SEL1L3: variants seen among roughly 807,000 people sequenced by gnomAD.
The protein encoded by SEL1L3 is protein sel-1 homolog 3.
A neutral mutation model predicts 142.8 loss-of-function variants in SEL1L3; 76 were observed. The observed-to-expected ratio is 0.53, with a 90% CI of 0.44 to 0.64. The LOEUF (loss-of-function observed/expected upper bound fraction) is 0.64. Among genes scored for constraint, SEL1L3 ranks in the 30% least tolerant of loss-of-function variants. The pLI is 0.00. For synonymous variants in SEL1L3, 504 were observed against 519.6 expected, an observed-to-expected ratio of 0.97 and a Z score of 0.41; for missense variants, 1,262 against 1,381.7, an observed-to-expected ratio of 0.91 and a Z score of 1.37.
intron 9 of SEL1L3, among the ~76,000 whole-genome samples, chr4:25,811,762 TTTTTG>T (rs1252605725): frequency 6.7e-6 from 1 of 148,190 alleles, no homozygotes; most frequent in African/African-American, 2.6e-5. Context: ...TTTTTTTTTT[TTTTTG>T]TTGTTGTTGT....
chr4:25,789,866 C>T (rs775357585), intron 12 of SEL1L3, among the ~76,000 whole-genome samples: 4 of 152,148 alleles, frequency 2.6e-5, no homozygotes, highest in Non-Finnish European at 5.9e-5. Flanking sequence ...GCTTCCCCAG[C>T]CGTCTGCCCT....
At chr4:25,714,553 T>C in the SEL1L3 span, among the ~76,000 whole-genome samples, 4 of 110,548 alleles carry the variant, frequency 3.6e-5, no homozygotes, top group Middle Eastern at 4.2e-3. Flanking sequence ...TCTTTCTTTC[T>C]TCTTTCTTTC....
At chr4:25,762,794 A>G (rs1048545301) in intron 20 of SEL1L3, among the ~76,000 whole-genome samples, 4 of 152,168 alleles carry the variant, frequency 2.6e-5, no homozygotes, top group South Asian at 2.1e-4. Context: ...CCTGCCCAAC[A>G]TGGTGAAACC....
At position 25,847,691 on chromosome 4, in the gene SEL1L3, A is replaced by G. The variant is rs1223929385; in HGVS notation, c.336T>C (p.Asn112=). 1.9e-6 allele frequency: 3 copies of G among 1,613,884 alleles called. No individual in the cohort carries two copies. The highest frequency in any genetic ancestry group is 1.3e-5 in the African/African-American group (1 of 74,924). The change falls in exon 2 of 24, where the codon AAT becomes AAC. Residue 112 remains asparagine (N), a synonymous_variant. Transcript: ENST00000399878. The part of the protein sequence containing the change: ...EYLCSQPCVV[N]LEAVVSSEFR... ...ACTCAGATGAAACAACTGCTTCCAA[A>G]TTGACAACACAAGGCTGAGAGCATA... is the stretch of plus-strand genomic sequence containing the variant.
intron 2 of SEL1L3, among the ~76,000 whole-genome samples, chr4:25,843,741 C>T (rs1577686676): frequency 6.6e-6 from 1 of 152,260 alleles, no homozygotes; most frequent in Non-Finnish European, 1.5e-5. Context: ...CCAATGGCTA[C>T]CGACTTCTCA....
chr4:25,726,106 G>T, the SEL1L3 span, among the ~76,000 whole-genome samples: 5 of 151,944 alleles, frequency 3.3e-5, no homozygotes, highest in Admixed American at 3.3e-4. Context: ...CGCCTCTGAT[G>T]AAAGTACCAG....
chr4:25,762,711 T>G (rs1159953801), intron 20 of SEL1L3, among the ~76,000 whole-genome samples: 1 of 152,070 alleles, frequency 6.6e-6, no homozygotes, highest in Non-Finnish European at 1.5e-5. Flanking sequence ...CCAGGTGCGG[T>G]GCTCACCCCT....
intron 11 of SEL1L3, among the ~76,000 whole-genome samples, chr4:25,792,924 T>C (rs1176852806): frequency 6.6e-6 from 1 of 152,234 alleles, no homozygotes; most frequent in African/African-American, 2.4e-5. Flanking sequence ...ACATAACTCA[T>C]GAAGACACAG....
intron 20 of SEL1L3, among the ~76,000 whole-genome samples, chr4:25,764,746 C>T (rs907339489): frequency 1.8e-4 from 28 of 152,172 alleles, no homozygotes; most frequent in African/African-American, 6.0e-4. Context: ...TGGTCTTGAA[C>T]AGTTCATTAT....
At chr4:25,774,576 A>G (rs1277348793) in intron 17 of SEL1L3, among the ~76,000 whole-genome samples, 2 of 152,238 alleles carry the variant, frequency 1.3e-5, no homozygotes, top group East Asian at 3.8e-4. Context: ...ATTCAAAAGC[A>G]GGGCCCAGGT....
the SEL1L3 span, among the ~76,000 whole-genome samples, chr4:25,716,408 G>A: frequency 4.6e-5 from 7 of 152,122 alleles, no homozygotes; most frequent in African/African-American, 1.4e-4. Context: ...CTTGCTGGCA[G>A]GAATGTAAAT....
At position 25,782,222 on chromosome 4, in the gene SEL1L3, G is replaced by A. The variant is rs763664509; in HGVS notation, c.2457+20C>T. ...TCAAGTGACTGACTAGTTGCAGAGT[G>A]GGTCTCAAGTCCTACTCACTTGATT... On this transcript the variant is annotated intron_variant, in intron 15 of 23. Transcript: ENST00000399878. The A allele has an allele frequency of 7.5e-6, 12 of 1,603,606 alleles. No individual in the cohort carries two copies. The Admixed American group carries it at 1.3e-4, about 18-fold the overall frequency.
At chr4:25,857,938 G>T (rs1717379947) in intron 1 of SEL1L3, among the ~76,000 whole-genome samples, 1 of 152,210 alleles carries the variant, frequency 6.6e-6, no homozygotes, top group South Asian at 2.1e-4. Flanking sequence ...GACTCAGCCA[G>T]CTCCCCAGTA....
At chr4:25,823,108 G>A (rs1714874116) in intron 6 of SEL1L3, among the ~76,000 whole-genome samples, 2 of 152,222 alleles carry the variant, frequency 1.3e-5, no homozygotes, top group African/African-American at 4.8e-5. Context: ...CTCCCCATGG[G>A]GTGGTGGGGG....
At chr4:25,860,324 C>T (rs1023336432) in intron 1 of SEL1L3, among the ~76,000 whole-genome samples, 4 of 152,204 alleles carry the variant, frequency 2.6e-5, no homozygotes, top group African/African-American at 7.2e-5. Flanking sequence ...TCCATCTCTA[C>T]CCTGCACCTG....
At chr4:25,792,347 G>A (rs533823858) in intron 11 of SEL1L3, among the ~76,000 whole-genome samples, 1 of 152,324 alleles carries the variant, frequency 6.6e-6, no homozygotes, top group East Asian at 1.9e-4. Context: ...AGGTTGGCTT[G>A]ACTCCAAAGA....
chr4:25,860,512 T>C (rs1447406267), intron 1 of SEL1L3: 1 of 152,222 alleles, frequency 6.6e-6, no homozygotes, highest in Non-Finnish European at 1.5e-5. Flanking sequence ...TCAAGAAGCC[T>C]TGCCTTCAGT....
At chr4:25,821,956 A>G in intron 7 of SEL1L3, 40 bp downstream of exon 7, 1 of 1,599,612 alleles carries the variant, frequency 6.3e-7, no homozygotes, top group Non-Finnish European at 8.5e-7. Context: ...CACACCCATC[A>G]CCCAGGAGTA....
chr4:25,784,247 A>G lies in SEL1L3; in HGVS notation c.2261T>C (p.Met754Thr), dbSNP rs760460657. 1.7e-5 allele frequency: 28 copies of G among 1,613,570 alleles called. 1 individual carries two copies. The South Asian group carries it at 3.0e-4, about 17-fold the overall frequency. ...KKNRRLALEL[M>T]KKAASKGLHQ... is the part of the protein sequence containing the mutation. The stretch of plus-strand genomic sequence containing the variant: ...TGTTACCTTGGAAGCTGCTTTCTTC[A>G]TCAGCTCTAAGGCAAGCCGTCTGTT... Residue 754 changes from methionine to threonine, a missense_variant, in exon 14 of 24, where the codon ATG (methionine) becomes ACG (threonine). Physicochemically the swap from Met to Thr is moderately conservative, Grantham distance 81. Coordinates refer to ENST00000399878, the MANE Select transcript of SEL1L3 (RefSeq NM_015187.5).
Sources: allele counts gnomAD v4.1 joint callset (sites outside exome capture counted in the v4.1 genomes callset), GRCh38; gene constraint gnomAD v4.1.1; transcripts MANE v1.5; gene names NCBI Gene and HGNC (gene_info 2026-07-23, HGNC 2026-07-21).